The following NPTXR variants were observed in gnomAD, a reference collection of about 807,000 sequenced individuals.
NPTXR encodes neuronal pentraxin receptor.
A neutral mutation model predicts 32.2 loss-of-function variants in NPTXR; 12 were observed. The observed-to-expected ratio is 0.37, with a 90% CI of 0.24 to 0.60. The LOEUF (loss-of-function observed/expected upper bound fraction) is 0.60. Among genes scored for constraint, NPTXR ranks in the 20% least tolerant of loss-of-function variants. The pLI, the probability that NPTXR is intolerant of heterozygous loss-of-function variation, is 0.66. For synonymous variants in NPTXR, 323 were observed against 315.8 expected (o/e 1.02, Z -0.24); for missense variants, 612 against 682.9 (o/e 0.90, Z 1.16).
chr22:38,838,701 C>A (rs2093127829), intron 1 of NPTXR, among the ~76,000 whole-genome samples: 1 of 151,642 alleles, frequency 6.6e-6, no homozygotes, highest in African/African-American at 2.4e-5. Context: ...CCTGCCTCAG[C>A]CTCCTGAGTA....
intron 1 of NPTXR, among the ~76,000 whole-genome samples, chr22:38,835,936 G>A (rs896736255): frequency 2.0e-4 from 30 of 150,506 alleles, no homozygotes; most frequent in African/African-American, 6.3e-4. Flanking sequence ...ACGCCCCCCC[G>A]CCGCCCCGGC....
At chr22:38,830,022 T>G (rs1282388923) in intron 1 of NPTXR, among the ~76,000 whole-genome samples, 1 of 152,142 alleles carries the variant, frequency 6.6e-6, no homozygotes, top group Non-Finnish European at 1.5e-5. Context: ...TCTGAGCCTG[T>G]TTTCTAGCCA....
At position 38,826,560 on chromosome 22, in the gene NPTXR, G is replaced by A. The variant is rs767289341; in HGVS notation, c.1038C>T (p.Ala346=). Residue 346 remains alanine (A), a synonymous_variant, in exon 3 of 5, where the codon GCC becomes GCT. Transcript: ENST00000333039. ...CCGCCTCTAGCAGTACAATCTCGTT[G>A]GCCTGCCCGGGCACTGAGTAGGAGA... is the stretch of plus-strand genomic sequence containing the variant. 9.3e-6 allele frequency: 15 copies of A among 1,614,060 alleles called. No homozygotes were observed.
chr22:38,838,256 G>A (rs767310641), intron 1 of NPTXR, among the ~76,000 whole-genome samples: 1 of 152,108 alleles, frequency 6.6e-6, no homozygotes. Flanking sequence ...GGTGGGGGGC[G>A]GGGCAGGGAT....
intron 1 of NPTXR, among the ~76,000 whole-genome samples, chr22:38,836,064 A>G (rs773372869): frequency 2.6e-5 from 4 of 152,180 alleles, no homozygotes; most frequent in Non-Finnish European, 5.9e-5. Context: ...GTCATGAATC[A>G]TCAGAGCAAT....
rs2093097379 is a variant in NPTXR at position 38,821,693 on chromosome 22, TCTGAG to T, written c.*911_*915del. 1 of 153,140 alleles carries T rather than the reference TCTGAG, an allele frequency of 6.5e-6. No homozygotes were observed. Among genetic ancestry groups the T allele is most frequent in the Non-Finnish European group, 1.5e-5 (1 of 68,798 alleles). The allele number at this position is 153,140 out of a possible 1,614,324, so 9.5% of individuals were successfully genotyped here. A position where few individuals can be genotyped will look rare whatever the true frequency, so the allele number is the denominator to read the frequency against. On this transcript the variant is annotated 3_prime_UTR_variant, in exon 5 of 5. Transcript: ENST00000333039. ...CACTGCTTCATGCTTCTCCCCACCC[TCTGAG>T]CTTCTTCCTTGCTGCCCCAGGACCA...
At chr22:38,839,119 C>T (rs1040699840) in intron 1 of NPTXR, among the ~76,000 whole-genome samples, 2 of 152,172 alleles carry the variant, frequency 1.3e-5, no homozygotes, top group Admixed American at 1.3e-4. Flanking sequence ...AGTAAGTGTT[C>T]GCTATAATGG....
chr22:38,840,963 A>T (rs2093130856), intron 1 of NPTXR, among the ~76,000 whole-genome samples: 1 of 152,204 alleles, frequency 6.6e-6, no homozygotes, highest in Admixed American at 6.5e-5. Context: ...TTCCCCCAAG[A>T]TAAGGACTGA....
intron 1 of NPTXR, among the ~76,000 whole-genome samples, chr22:38,835,113 G>T (rs144896376): frequency 6.6e-6 from 1 of 152,340 alleles, no homozygotes; most frequent in Non-Finnish European, 1.5e-5. Flanking sequence ...CTGGTGCAGA[G>T]GGTGAGCTCA....
chr22:38,829,129 T>C (rs560114145), intron 1 of NPTXR, among the ~76,000 whole-genome samples: 1 of 152,348 alleles, frequency 6.6e-6, no homozygotes, highest in East Asian at 1.9e-4. Context: ...TATGTGACTC[T>C]GAGAAAATAT....
At chr22:38,837,610 C>G (rs932649167) in intron 1 of NPTXR, among the ~76,000 whole-genome samples, 2 of 152,142 alleles carry the variant, frequency 1.3e-5, no homozygotes, top group Non-Finnish European at 2.9e-5. Flanking sequence ...GGGCGGTACA[C>G]ACATGTACCC....
chr22:38,823,343 G>T, intron 3 of NPTXR, 81 bp from the exon 4 acceptor site: 1 of 1,326,148 alleles, frequency 7.5e-7, no homozygotes, highest in East Asian at 2.5e-5. Flanking sequence ...GTGGGGCTGG[G>T]GAGACCCATG....
At chr22:38,841,896 C>T (rs185898478) in intron 1 of NPTXR, among the ~76,000 whole-genome samples, 9 of 152,278 alleles carry the variant, frequency 5.9e-5, no homozygotes, top group Admixed American at 2.6e-4. Context: ...GAGCTGGAGT[C>T]GGGGAAGAGG....
At chr22:38,824,702 G>A (rs1445130144) in intron 3 of NPTXR, among the ~76,000 whole-genome samples, 4 of 152,204 alleles carry the variant, frequency 2.6e-5, no homozygotes, top group Non-Finnish European at 4.4e-5. Flanking sequence ...CCAGGGTGCT[G>A]AATTCCTTCT....
chr22:38,830,468 C>T (rs2078767515), intron 1 of NPTXR, among the ~76,000 whole-genome samples: 1 of 152,182 alleles, frequency 6.6e-6, no homozygotes, highest in African/African-American at 2.4e-5. Flanking sequence ...CCAGTGTCCC[C>T]ATTTCAGGGG....
Position 38,843,131 on chromosome 22 carries a change from G to T in NPTXR, c.624+104C>A. The T allele has an allele frequency of 8.9e-7, 1 of 1,122,606 alleles. No individual in the cohort carries two copies. Among genetic ancestry groups the T allele is most frequent in the Non-Finnish European group, 1.1e-6 (1 of 890,428 alleles). The allele number at this position is 1,122,606 out of a possible 1,614,324, so 69.5% of individuals were successfully genotyped here. ...CAGCGAGGAAGGCGCGATCGTCCCC[G>T]GAACACAGACGGGAGACCGGAGGCT... On this transcript the variant is annotated intron_variant, in intron 1 of 4. Transcript: ENST00000333039. The surrounding 1 kb of genome is among the most constrained non-coding windows in gnomAD (Gnocchi z 5.3).
At position 38,818,849 on chromosome 22, in the gene NPTXR, G is replaced by C. The variant is rs1396912508; in HGVS notation, c.*3760C>G. ...CCTTTCCAAGTTTACTCAGGCCAAG[G>C]GTGCTGGGACACACAAAGGAGGGGG... is the stretch of plus-strand genomic sequence containing the variant. On this transcript the variant is annotated 3_prime_UTR_variant, in exon 5 of 5. Transcript: ENST00000333039. The surrounding 1 kb of genome is among the most constrained non-coding windows in gnomAD (Gnocchi z 4.5). The C allele has an allele frequency of 1.3e-5, 2 of 152,444 alleles. No homozygotes were observed. Among genetic ancestry groups the C allele is most frequent in the African/African-American group, 4.8e-5 (2 of 41,446 alleles). The allele number at this position is 152,444 out of a possible 1,614,324, so 9.4% of individuals were successfully genotyped here. A position where few individuals can be genotyped will look rare whatever the true frequency, so the allele number is the denominator to read the frequency against.
intron 3 of NPTXR, 26 bp from the exon 4 acceptor site, chr22:38,823,288 G>A (rs775955335): frequency 3.7e-6 from 6 of 1,603,372 alleles, no homozygotes; most frequent in African/African-American, 1.3e-5. Flanking sequence ...CCAACCCCAG[G>A]TCAGAGGTGC....
rs1359982826 is a variant in NPTXR at position 38,843,870 on chromosome 22, C to T, written c.-12G>A. On this transcript the variant is annotated 5_prime_UTR_variant, in exon 1 of 5. Transcript: ENST00000333039. This position sits in a 1 kb window ranked among gnomAD's most constrained non-coding sequence, Gnocchi z 5.3. ...GCCAGGAACTTCAGCGTGAGGCGGGCGGCGGGGGCGCCCGAGGCCCCCGGC... is the reference window on the plus strand; with the variant it reads ...GCCAGGAACTTCAGCGTGAGGCGGGTGGCGGGGGCGCCCGAGGCCCCCGGC... 27 of 990,636 alleles carry T rather than the reference C, an allele frequency of 2.7e-5. No homozygotes were observed. Among genetic ancestry groups the T allele is most frequent in the Non-Finnish European group, 3.2e-5 (27 of 836,168 alleles). 61.4% of individuals were successfully genotyped at this position (990,636 alleles called of 1,614,324 possible).
Sources: allele counts gnomAD v4.1 joint callset (sites outside exome capture counted in the v4.1 genomes callset), GRCh38; gene constraint gnomAD v4.1.1; non-coding constraint Gnocchi (gnomAD v3.1); transcripts MANE v1.5; gene names NCBI Gene and HGNC (gene_info 2026-07-23, HGNC 2026-07-21).